Variants in CACNA1D observed in about 807,000 individuals in gnomAD.
CACNA1D encodes calcium voltage-gated channel subunit alpha1 D, also known as voltage-dependent L-type calcium channel subunit alpha-1D.
CACNA1D carries 55 observed loss-of-function variants against 257.1 expected under a neutral mutation model. The observed-to-expected ratio is 0.21, with a 90% confidence interval of 0.17 to 0.27. CACNA1D has a LOEUF of 0.27. CACNA1D is among the 10% of genes least tolerant of loss of function. The probability of loss-of-function intolerance (pLI) is 1.00; values close to 1 mark genes in which losing one functional copy is unlikely to be tolerated. For missense variants in CACNA1D, 1,876 were observed against 2,784.0 expected, an observed-to-expected ratio of 0.67 and a Z score of 7.34; for synonymous variants, 980 against 1,014.9, an observed-to-expected ratio of 0.97 and a Z score of 0.65.
intron 8 of CACNA1D, among the ~76,000 whole-genome samples, chr3:53,689,214 G>C (rs1158256981): frequency 6.6e-6 from 1 of 152,192 alleles, no homozygotes; most frequent in Non-Finnish European, 1.5e-5. Flanking sequence ...GTTGTCAGGA[G>C]AGTGGGACCT....
At chr3:53,717,661 A>G (rs974571601) in intron 9 of CACNA1D, among the ~76,000 whole-genome samples, 2 of 152,100 alleles carry the variant, frequency 1.3e-5, no homozygotes, top group African/African-American at 2.4e-5. Flanking sequence ...GTAACACTAT[A>G]ATTCCTTGGT....
At chr3:53,566,583 G>A (rs1398466668) in intron 3 of CACNA1D, among the ~76,000 whole-genome samples, 1 of 152,114 alleles carries the variant, frequency 6.6e-6, no homozygotes, top group Non-Finnish European at 1.5e-5. Context: ...ACTTCCTAGA[G>A]GACCAGGGAC....
intron 44 of CACNA1D, 46 bp from the exon 45 acceptor site, chr3:53,804,937 A>G (rs772900947): frequency 6.3e-7 from 1 of 1,577,494 alleles, no homozygotes; most frequent in South Asian, 1.1e-5. Flanking sequence ...GTTGAGTGAC[A>G]GAGCTTGTTA....
At chr3:53,718,279 G>C (rs2094841927) in intron 9 of CACNA1D, 22 bp from the exon 10 acceptor site, 3 of 1,608,884 alleles carry the variant, frequency 1.9e-6, no homozygotes, top group Non-Finnish European at 2.6e-6. Context: ...CATGCTCTCT[G>C]AAGCCCGTCT....
intron 7 of CACNA1D, among the ~76,000 whole-genome samples, chr3:53,667,373 C>T (rs578228720): frequency 6.6e-5 from 10 of 151,542 alleles, no homozygotes; most frequent in East Asian, 2.0e-4. Context: ...TTGTTTTTCA[C>T]GGTATAAGAG....
chr3:53,626,468 G>T (rs773398707), intron 3 of CACNA1D, among the ~76,000 whole-genome samples: 20 of 152,212 alleles, frequency 1.3e-4, no homozygotes, highest in African/African-American at 4.1e-4. Context: ...GAGAGGGAAA[G>T]GCTGCGAGGG....
At chr3:53,678,408 A>T (rs1392210498) in intron 8 of CACNA1D, among the ~76,000 whole-genome samples, 1 of 152,232 alleles carries the variant, frequency 6.6e-6, no homozygotes, top group East Asian at 1.9e-4. Context: ...TCAAAATCAT[A>T]CCAATTAATT....
intron 23 of CACNA1D, among the ~76,000 whole-genome samples, chr3:53,745,216 C>T (rs1473794990): frequency 6.6e-6 from 1 of 151,398 alleles, no homozygotes; most frequent in Admixed American, 6.6e-5. Context: ...ATGTGCCAGG[C>T]AGCACTGCAC....
intron 30 of CACNA1D, 62 bp from the exon 31 acceptor site, chr3:53,769,911 C>A: frequency 7.8e-7 from 1 of 1,274,098 alleles, no homozygotes; most frequent in South Asian, 1.2e-5. Flanking sequence ...GGGAAATGCT[C>A]TCTGGAACCA....
At chr3:53,739,531 G>T (rs951697964) in intron 20 of CACNA1D, among the ~76,000 whole-genome samples, 1 of 152,270 alleles carries the variant, frequency 6.6e-6, no homozygotes, top group Middle Eastern at 3.4e-3. Context: ...ATAATAGATG[G>T]TATTGTCACC....
At chr3:53,591,802 A>G (rs1048713719) in intron 3 of CACNA1D, among the ~76,000 whole-genome samples, 6 of 152,226 alleles carry the variant, frequency 3.9e-5, no homozygotes, top group Non-Finnish European at 7.3e-5. Context: ...ACTAAAAGAA[A>G]TAACCAGTTG....
At chr3:53,577,811 T>A (rs1173777292) in intron 3 of CACNA1D, among the ~76,000 whole-genome samples, 2 of 152,208 alleles carry the variant, frequency 1.3e-5, no homozygotes, top group African/African-American at 4.8e-5. Flanking sequence ...CTTTTTTCCT[T>A]CCCTTTACTG....
At chr3:53,641,380 T>C (rs1422467786) in intron 3 of CACNA1D, among the ~76,000 whole-genome samples, 1 of 152,164 alleles carries the variant, frequency 6.6e-6, no homozygotes, top group Non-Finnish European at 1.5e-5. Flanking sequence ...TTGTCTGCTG[T>C]CCTGAAATGT....
intron 3 of CACNA1D, among the ~76,000 whole-genome samples, chr3:53,621,003 G>A (rs566639945): frequency 4.6e-5 from 7 of 152,286 alleles, no homozygotes; most frequent in South Asian, 2.1e-4. Context: ...CCTAAGTGGC[G>A]AGAATACCCA....
rs773336682 is a variant in CACNA1D at position 53,808,711 on chromosome 3, C to T, written c.5812C>T (p.Pro1938Ser). 2 of 1,609,278 alleles carry T rather than the reference C, an allele frequency of 1.2e-6. No individual in the cohort carries two copies. Among genetic ancestry groups the T allele is most frequent in the South Asian group, 1.1e-5 (1 of 91,078 alleles). The change falls in exon 46 of 48, where the codon CCG (proline) becomes TCG (serine). Residue 1938 changes from proline (P) to serine (S), a missense_variant. Pro to Ser is a moderately conservative substitution (Grantham distance 74). Coordinates refer to ENST00000350061, the MANE Select transcript of CACNA1D (RefSeq NM_001128840.3). ...CCGGCAGAGCAGCCAGGAAGAGGTC[C>T]CGTCGTCTCCCATCTTCCCCCATCG... The part of the protein sequence containing the change: ...LRRQSSQEEV[P>S]SSPIFPHRTA...
chr3:53,626,207 G>A (rs2093757015), intron 3 of CACNA1D, among the ~76,000 whole-genome samples: 1 of 152,158 alleles, frequency 6.6e-6, no homozygotes, highest in Non-Finnish European at 1.5e-5. Flanking sequence ...GCCGCCCCGG[G>A]CACATCCCCT....
chr3:53,593,075 C>T (rs929909356), intron 3 of CACNA1D, among the ~76,000 whole-genome samples: 6 of 152,188 alleles, frequency 3.9e-5, no homozygotes, highest in South Asian at 2.1e-4. Flanking sequence ...AACATATTCA[C>T]GCCTTTTTCA....
intron 3 of CACNA1D, among the ~76,000 whole-genome samples, chr3:53,647,249 T>G (rs2094031943): frequency 6.6e-6 from 1 of 152,136 alleles, no homozygotes; most frequent in Non-Finnish European, 1.5e-5. Flanking sequence ...TCCCTGCTGG[T>G]GGGTGACTGA....
intron 20 of CACNA1D, among the ~76,000 whole-genome samples, chr3:53,736,145 G>C (rs1211533859): frequency 6.6e-6 from 1 of 152,074 alleles, no homozygotes; most frequent in Non-Finnish European, 1.5e-5. Context: ...TTCAAGACTA[G>C]CCTGGGCAAC....
Sources: allele counts gnomAD v4.1 joint callset (sites outside exome capture counted in the v4.1 genomes callset), GRCh38; gene constraint gnomAD v4.1.1; transcripts MANE v1.5; gene names NCBI Gene and HGNC (gene_info 2026-07-23, HGNC 2026-07-21).